The following FARS2 variants were observed in gnomAD, a reference collection of about 807,000 sequenced individuals.
The protein encoded by FARS2 is phenylalanyl-tRNA synthetase 2, mitochondrial.
In FARS2, 40 loss-of-function variants were observed where a neutral mutation model predicts 46.4. The observed-to-expected ratio is 0.86, with a 90% CI of 0.67 to 1.12. FARS2 has a LOEUF of 1.12. Ranked by LOEUF, FARS2 falls within the 50% of genes most tolerant of loss-of-function variation. FARS2 has a pLI of 0.00. For synonymous variants in FARS2, 234 were observed against 214.9 expected, an observed-to-expected ratio of 1.09 and a Z score of -0.78; for missense variants, 513 against 567.9, an observed-to-expected ratio of 0.90 and a Z score of 0.98.
rs140832984 is a variant in FARS2 at position 5,759,776 on chromosome 6, G to A, written c.1218-11515G>A. The stretch of plus-strand genomic sequence containing the variant: ...ACACACTCGTCAGCTTAGTATAAGG[G>A]GAGCCCACACTGTCAGAGCATGGAA... On this transcript the variant is annotated intron_variant, in intron 6 of 6. Transcript: ENST00000274680. Among the ~76,000 whole-genome samples, 518 of 152,256 alleles carry A rather than the reference G, an allele frequency of 3.4e-3. 4 individuals are homozygous for A. The highest frequency in any genetic ancestry group is 0.012 in the African/African-American group (496 of 41,552).
At chr6:5,649,379 A>G (rs564545138) in intron 6 of FARS2, among the ~76,000 whole-genome samples, 127 of 152,286 alleles carry the variant, frequency 8.3e-4, no homozygotes, top group Middle Eastern at 3.4e-3. Flanking sequence ...TTACATAACC[A>G]AAGTTTCTGT....
chr6:5,422,122 A>G (rs114696176), intron 3 of FARS2, among the ~76,000 whole-genome samples: 3,165 of 152,274 alleles, frequency 0.021, 57 homozygotes, highest in South Asian at 0.067. Context: ...GGCCCATCTG[A>G]CATGGTGGCA....
intron 4 of FARS2, among the ~76,000 whole-genome samples, chr6:5,493,980 A>G (rs943640149): frequency 5.3e-5 from 8 of 152,192 alleles, no homozygotes; most frequent in African/African-American, 1.9e-4. Flanking sequence ...ATGTGATACA[A>G]TGACAGTGAG....
intron 1 of FARS2, among the ~76,000 whole-genome samples, chr6:5,363,923 A>C (rs1276504027): frequency 6.6e-6 from 1 of 152,252 alleles, no homozygotes; most frequent in African/African-American, 2.4e-5. Flanking sequence ...CTACATTTCC[A>C]GGATTAATGT....
intron 5 of FARS2, among the ~76,000 whole-genome samples, chr6:5,563,058 G>A (rs1326442019): frequency 1.3e-5 from 2 of 150,976 alleles, no homozygotes; most frequent in Non-Finnish European, 2.9e-5. Flanking sequence ...AGGAAAGAAG[G>A]AAGAAGCTCC....
At chr6:5,499,326 T>C (rs1297802593) in intron 4 of FARS2, among the ~76,000 whole-genome samples, 1 of 152,138 alleles carries the variant, frequency 6.6e-6, no homozygotes, top group Non-Finnish European at 1.5e-5. Context: ...GGTGCTTCCC[T>C]AGTGGTTTTA....
At chr6:5,348,699 T>TA (rs1478713797) in intron 1 of FARS2, among the ~76,000 whole-genome samples, 1 of 150,198 alleles carries the variant, frequency 6.7e-6, no homozygotes, top group Non-Finnish European at 1.5e-5. Context: ...CAAATAAATA[T>TA]AATCTACCAT....
intron 1 of FARS2, among the ~76,000 whole-genome samples, chr6:5,307,000 A>G (rs1356934980): frequency 6.6e-6 from 1 of 152,220 alleles, no homozygotes; most frequent in African/African-American, 2.4e-5. Flanking sequence ...ACAGAATGCA[A>G]ACCACTTAGG....
At chr6:5,689,513 GT>G (rs1208542450) in intron 6 of FARS2, among the ~76,000 whole-genome samples, 2 of 152,198 alleles carry the variant, frequency 1.3e-5, no homozygotes, top group Non-Finnish European at 2.9e-5. Context: ...GCGGTTTTGA[GT>G]GAGTTTCTTA....
At chr6:5,322,997 T>G (rs190941447) in intron 1 of FARS2, among the ~76,000 whole-genome samples, 13 of 152,318 alleles carry the variant, frequency 8.5e-5, no homozygotes, top group Non-Finnish European at 1.0e-4. Context: ...AACAATTGTT[T>G]TATTTGAAAG....
At chr6:5,368,451 G>T in intron 1 of FARS2, 99 bp from the exon 2 acceptor site, 1 of 1,049,698 alleles carries the variant, frequency 9.5e-7, no homozygotes, top group Non-Finnish European at 1.4e-6. Context: ...GGGGAAACAT[G>T]CCAGTAGGAC....
At chr6:5,387,645 CAAGT>C (rs1281329942) in intron 2 of FARS2, among the ~76,000 whole-genome samples, 1 of 152,172 alleles carries the variant, frequency 6.6e-6, no homozygotes, top group African/African-American at 2.4e-5. Context: ...CTACATTGAT[CAAGT>C]AATTAGGAAG....
chr6:5,254,512 G>A, the FARS2 span, among the ~76,000 whole-genome samples: 4 of 152,084 alleles, frequency 2.6e-5, no homozygotes, highest in South Asian at 2.1e-4. Flanking sequence ...GCCCAAAACC[G>A]CAATTACTTT....
At chr6:5,568,736 A>C (rs1234304594) in intron 5 of FARS2, among the ~76,000 whole-genome samples, 6 of 152,244 alleles carry the variant, frequency 3.9e-5, no homozygotes, top group Admixed American at 1.3e-4. Flanking sequence ...TAAGGCAATT[A>C]GCAAGACATC....
At chr6:5,591,729 A>G (rs1282488608) in intron 5 of FARS2, among the ~76,000 whole-genome samples, 1 of 152,156 alleles carries the variant, frequency 6.6e-6, no homozygotes, top group African/African-American at 2.4e-5. Flanking sequence ...ATCAACTCAC[A>G]TAGCCCCTCA....
intron 3 of FARS2, among the ~76,000 whole-genome samples, chr6:5,416,341 G>A (rs1762236762): frequency 6.6e-6 from 1 of 152,092 alleles, no homozygotes; most frequent in South Asian, 2.1e-4. Flanking sequence ...TTGAAATTTT[G>A]TTTTCCATAT....
intron 4 of FARS2, chr6:5,467,171 A>C: frequency 1.4e-6 from 1 of 690,444 alleles, no homozygotes; most frequent in South Asian, 6.5e-5. Flanking sequence ...TGTGGTTTAC[A>C]TTTTTTGACT....
intron 1 of FARS2, chr6:5,291,160 C>CAT (rs879070487): frequency 2.6e-5 from 4 of 152,304 alleles, no homozygotes; most frequent in Admixed American, 2.6e-4. Flanking sequence ...GTGCATTTAC[C>CAT]ATGAAGAACA....
At chr6:5,530,653 ATATATT>A (rs1769763990) in intron 4 of FARS2, among the ~76,000 whole-genome samples, 1 of 147,694 alleles carries the variant, frequency 6.8e-6, no homozygotes. Context: ...ATATTTAAAA[ATATATT>A]TATATATTTA....
Sources: gnomAD v4.1 joint callset for allele counts (sites outside exome capture counted in the v4.1 genomes callset) on GRCh38, gnomAD v4.1.1 for gene constraint, MANE v1.5 for transcripts, NCBI Gene and HGNC (gene_info 2026-07-23, HGNC 2026-07-21) for gene names.